SLC24A4: variants seen among roughly 807,000 people sequenced by gnomAD.
SLC24A4 encodes sodium/potassium/calcium exchanger 4.
Under a neutral mutation model 79.0 loss-of-function variants are expected in SLC24A4, and 53 were observed. That is an observed-to-expected ratio of 0.67 (90% CI 0.54 to 0.84). The LOEUF is 0.84. Among genes scored for constraint, SLC24A4 ranks in the 40% least tolerant of loss-of-function variants. SLC24A4 has a pLI of 0.00. For synonymous variants in SLC24A4, 323 were observed against 323.8 expected (o/e 1.00, Z 0.03); for missense variants, 731 against 822.0 (o/e 0.89, Z 1.35).
intron 2 of SLC24A4, among the ~76,000 whole-genome samples, chr14:92,337,394 G>C (rs749018368): frequency 6.6e-6 from 1 of 152,180 alleles, no homozygotes; most frequent in African/African-American, 2.4e-5. Context: ...AGCTTACAGC[G>C]AATGGTGACT....
intron 13 of SLC24A4, 126 bp downstream of exon 13, chr14:92,482,972 C>T (rs934856684): frequency 5.8e-5 from 52 of 898,410 alleles, no homozygotes; most frequent in Non-Finnish European, 7.8e-5. Context: ...CTGACCACAG[C>T]GTATTTCTCA....
chr14:92,327,121 G>A (rs1171422148), intron 2 of SLC24A4, among the ~76,000 whole-genome samples: 1 of 152,216 alleles, frequency 6.6e-6, no homozygotes, highest in Non-Finnish European at 1.5e-5. Context: ...GAGAACCTAG[G>A]CCTGTGAAAC....
At chr14:92,483,804 C>T in intron 13 of SLC24A4, 2 of 1,289,998 alleles carry the variant, frequency 1.6e-6, no homozygotes, top group African/African-American at 1.5e-5. Context: ...CCCCTTACAC[C>T]CTAGTGGTTA....
At chr14:92,334,420 C>T (rs972448186) in intron 2 of SLC24A4, among the ~76,000 whole-genome samples, 10 of 152,172 alleles carry the variant, frequency 6.6e-5, no homozygotes, top group Non-Finnish European at 1.3e-4. Flanking sequence ...TGTGCCCACT[C>T]ATGCCTGTTT....
chr14:92,335,275 G>C (rs1181831799), intron 2 of SLC24A4, among the ~76,000 whole-genome samples: 1 of 152,128 alleles, frequency 6.6e-6, no homozygotes, highest in Non-Finnish European at 1.5e-5. Context: ...TTGATACATT[G>C]TTATTAACTA....
In SLC24A4 at chr14:92,494,821, G is replaced by A. The variant is rs1280494609; in HGVS notation, c.*1193G>A. On this transcript the variant is annotated 3_prime_UTR_variant, in exon 17 of 17. Coordinates refer to ENST00000532405, the MANE Select transcript of SLC24A4 (RefSeq NM_153646.4). This position sits in a 1 kb window ranked among gnomAD's most constrained non-coding sequence, Gnocchi z 4.6. ...TGGAACCACGTAGTTTCTACACGTGGCAGGCCAAGAATGGGAGGCTGACTC... is the reference window on the plus strand; with the variant it reads ...TGGAACCACGTAGTTTCTACACGTGACAGGCCAAGAATGGGAGGCTGACTC... The A allele has an allele frequency of 3.3e-5, 5 of 152,564 alleles. No homozygotes were observed. The highest frequency in any genetic ancestry group is 2.6e-4 in the Admixed American group (4 of 15,276). 9.5% of individuals were successfully genotyped at this position (152,564 alleles called of 1,614,324 possible). A position where few individuals can be genotyped will look rare whatever the true frequency, so the allele number is the denominator to read the frequency against.
At chr14:92,342,363 C>CATTAATTAATTTATTTATTT (rs377654077) in intron 2 of SLC24A4, among the ~76,000 whole-genome samples, 169 of 137,926 alleles carry the variant, frequency 1.2e-3, no homozygotes, top group East Asian at 0.012. Flanking sequence ...TTTTTTTCCC[C>CATTAATTAATTTATTTATTT]ATTTATTTAT....
intron 2 of SLC24A4, among the ~76,000 whole-genome samples, chr14:92,429,585 T>C (rs1891751545): frequency 6.6e-6 from 1 of 152,224 alleles, no homozygotes; most frequent in South Asian, 2.1e-4. Flanking sequence ...AAATCCAATG[T>C]ATGTTTCAGA....
At chr14:92,372,715 C>A (rs1017157461) in intron 2 of SLC24A4, among the ~76,000 whole-genome samples, 4 of 152,098 alleles carry the variant, frequency 2.6e-5, no homozygotes, top group Non-Finnish European at 5.9e-5. Flanking sequence ...CTCCCCTGGG[C>A]CTTCATCAAG....
chr14:92,406,368 G>A (rs953029944), intron 2 of SLC24A4, among the ~76,000 whole-genome samples: 28 of 152,190 alleles, frequency 1.8e-4, no homozygotes, highest in African/African-American at 6.3e-4. Context: ...GGGTCTGGAG[G>A]ATGGTGACCC....
intron 4 of SLC24A4, among the ~76,000 whole-genome samples, chr14:92,440,138 C>A (rs1398900025): frequency 1.3e-5 from 2 of 152,280 alleles, no homozygotes; most frequent in East Asian, 1.9e-4. Context: ...CCGTGACTTT[C>A]CCCCTGCTGG....
intron 2 of SLC24A4, among the ~76,000 whole-genome samples, chr14:92,344,746 T>A (rs1343907546): frequency 6.6e-6 from 1 of 152,104 alleles, no homozygotes; most frequent in Non-Finnish European, 1.5e-5. Flanking sequence ...TGTGAAGACA[T>A]GACAACTGCC....
chr14:92,365,022 A>C (rs574156377), intron 2 of SLC24A4, among the ~76,000 whole-genome samples: 3 of 152,154 alleles, frequency 2.0e-5, no homozygotes, highest in African/African-American at 7.2e-5. Flanking sequence ...AGATGAACTT[A>C]TGTGGTGCCC....
intron 14 of SLC24A4, among the ~76,000 whole-genome samples, chr14:92,491,443 C>T (rs74707844): frequency 6.6e-6 from 1 of 152,152 alleles, no homozygotes; most frequent in African/African-American, 2.4e-5. Flanking sequence ...AGGGTTAGAA[C>T]TTCAACATAT....
Position 92,453,995 on chromosome 14 carries a change from T to G in SLC24A4, c.976T>G (p.Leu326Val), listed in dbSNP as rs1245654984. The G allele has an allele frequency of 6.2e-7, 1 of 1,613,848 alleles. No homozygotes were observed. Among genetic ancestry groups the G allele is most frequent in the South Asian group, 1.1e-5 (1 of 91,004 alleles). Reference sequence around the variant, plus strand: ...CAAGTTCACCTTCCCTGAAGCAGGCTTACGAATCATGATCACCAATAAGTT... The same window carrying G: ...CAAGTTCACCTTCCCTGAAGCAGGCGTACGAATCATGATCACCAATAAGTT... The part of the protein sequence containing the change: ...PPKFTFPEAG[L>V]RIMITNKFGP... The change falls in exon 11 of 17, where the codon TTA becomes GTA. Residue 326 changes from leucine (L) to valine (V), a missense_variant. Coordinates refer to ENST00000532405, the MANE Select transcript of SLC24A4 (RefSeq NM_153646.4).
intron 14 of SLC24A4, among the ~76,000 whole-genome samples, chr14:92,489,925 G>A (rs980232570): frequency 2.6e-5 from 4 of 152,208 alleles, no homozygotes; most frequent in Admixed American, 6.5e-5. Flanking sequence ...GCATCTTACC[G>A]GACACTGACA....
chr14:92,395,430 A>AC (rs1175371282), intron 2 of SLC24A4, among the ~76,000 whole-genome samples: 1 of 86,848 alleles, frequency 1.2e-5, no homozygotes, highest in African/African-American at 5.8e-5. Flanking sequence ...AAAACAAAAC[A>AC]AAACACACAC....
At chr14:92,363,827 TAA>T (rs139830062) in intron 2 of SLC24A4, among the ~76,000 whole-genome samples, 2 of 145,692 alleles carry the variant, frequency 1.4e-5, no homozygotes, top group Admixed American at 6.9e-5. Context: ...AGACTCCGTC[TAA>T]AAAAAAAAAG....
chr14:92,376,175 G>A (rs1209815830), intron 2 of SLC24A4, among the ~76,000 whole-genome samples: 3 of 152,234 alleles, frequency 2.0e-5, no homozygotes, highest in East Asian at 1.9e-4. Flanking sequence ...CAAGGCAGAC[G>A]AGGGTTCAAA....
Sources: allele counts gnomAD v4.1 joint callset (sites outside exome capture counted in the v4.1 genomes callset), GRCh38; gene constraint gnomAD v4.1.1; non-coding constraint Gnocchi (gnomAD v3.1); transcripts MANE v1.5; gene names NCBI Gene and HGNC (gene_info 2026-07-23, HGNC 2026-07-21).